Variants in RBFOX1 observed in about 807,000 individuals in gnomAD.
The protein encoded by RBFOX1 is RNA binding protein fox-1 homolog 1.
In RBFOX1, 8 loss-of-function variants were observed where a neutral mutation model predicts 57.7. The observed-to-expected ratio is 0.14, with a 90% CI of 0.08 to 0.25. The LOEUF (loss-of-function observed/expected upper bound fraction) is 0.25. Ranked by LOEUF, RBFOX1 falls within the 10% of genes least tolerant of loss-of-function variation. The pLI is 1.00. For synonymous variants in RBFOX1, 326 were observed against 222.4 expected (o/e 1.47, Z -4.15); for missense variants, 611 against 548.5 (o/e 1.11, Z -1.14).
At chr16:7,173,697 G>C (rs1241905032) in intron 4 of RBFOX1, among the ~76,000 whole-genome samples, 1 of 152,164 alleles carries the variant, frequency 6.6e-6, no homozygotes, top group Non-Finnish European at 1.5e-5. Flanking sequence ...ACACATTTAG[G>C]ATGTTTTTTA....
At position 7,037,228 on chromosome 16, in the gene RBFOX1, C is replaced by CTT. The variant is rs889539532; in HGVS notation, c.-15-14802_-15-14801dup. 4.9e-3 allele frequency among the ~76,000 whole-genome samples: 396 copies of CTT among 80,548 alleles called. 75 individuals carry two copies. Among genetic ancestry groups the CTT allele is most frequent in the African/African-American group, 0.019 (289 of 14,824 alleles). 52.8% of individuals were successfully genotyped at this position (80,548 alleles called of 152,430 possible). The stretch of plus-strand genomic sequence containing the variant: ...AATGCAGCCCAGTAGGTCTTAGCCT[C>CTT]TTTTTTTTTTTTTTTTTTTTTTTTT... On this transcript the variant is annotated intron_variant, in intron 3 of 15. Transcript: ENST00000550418.
intron 4 of RBFOX1, among the ~76,000 whole-genome samples, chr16:7,167,095 C>T (rs987117835): frequency 6.8e-6 from 1 of 146,934 alleles, no homozygotes; most frequent in African/African-American, 2.5e-5. Flanking sequence ...AAGCGATTCT[C>T]CTGCCTCAGC....
At chr16:5,545,860 C>A (rs4372693) in intron 2 of RBFOX1, among the ~76,000 whole-genome samples, 46,943 of 151,694 alleles carry the variant, frequency 0.31, 8,604 homozygotes, top group East Asian at 0.85. Context: ...TGAATAAAAC[C>A]CAGAAAGTAA....
chr16:7,566,928 G>A (rs564846475), intron 5 of RBFOX1, among the ~76,000 whole-genome samples: 12 of 151,918 alleles, frequency 7.9e-5, no homozygotes, highest in African/African-American at 2.7e-4. Context: ...AACCTTCAGT[G>A]TATCCATGAA....
intron 4 of RBFOX1, among the ~76,000 whole-genome samples, chr16:7,335,363 T>C (rs897540893): frequency 6.6e-6 from 1 of 152,118 alleles, no homozygotes; most frequent in African/African-American, 2.4e-5. Flanking sequence ...AAATAAACCA[T>C]GTGTACTCCA....
At chr16:5,900,981 C>T (rs555636735) in intron 4 of RBFOX1, among the ~76,000 whole-genome samples, 5 of 152,210 alleles carry the variant, frequency 3.3e-5, no homozygotes, top group Admixed American at 6.5e-5. Context: ...ATGTGAGAAG[C>T]AGAGAAGCAC....
At position 6,181,786 on chromosome 16, in the gene RBFOX1, C is replaced by G. The variant is rs143775339; in HGVS notation, c.-126-135209C>G. 2.9e-3 allele frequency among the ~76,000 whole-genome samples: 440 copies of G among 152,234 alleles called. 1 individual carries two copies. Among genetic ancestry groups the G allele is most frequent in the African/African-American group, 1.0e-2 (415 of 41,536 alleles). On this transcript the variant is annotated intron_variant, in intron 1 of 15. Coordinates refer to ENST00000550418, the MANE Select transcript of RBFOX1 (RefSeq NM_018723.4). ...ACATTATGTGCATGCAGTTGACCCACAAAATCTCAGTGATGCCGTATAATT... is the reference window on the plus strand; with the variant it reads ...ACATTATGTGCATGCAGTTGACCCAGAAAATCTCAGTGATGCCGTATAATT...
At chr16:7,674,413 G>GT (rs1211770196) in intron 13 of RBFOX1, among the ~76,000 whole-genome samples, 4 of 152,138 alleles carry the variant, frequency 2.6e-5, no homozygotes, top group Non-Finnish European at 4.4e-5. Flanking sequence ...TAGCTACTCT[G>GT]TTGGACAGCA....
intron 1 of RBFOX1, among the ~76,000 whole-genome samples, chr16:5,428,755 G>A (rs1254235453): frequency 1.3e-5 from 2 of 152,146 alleles, no homozygotes; most frequent in Non-Finnish European, 2.9e-5. Flanking sequence ...TTTCTGGGTT[G>A]GAGAAATTGA....
intron 9 of RBFOX1, among the ~76,000 whole-genome samples, chr16:7,602,757 A>G (rs1033367750): frequency 3.3e-5 from 5 of 152,186 alleles, no homozygotes; most frequent in African/African-American, 1.2e-4. Flanking sequence ...TTTACAGAAT[A>G]CCTTTTCCAA....
At chr16:6,801,251 T>TACA (rs2085371413) in intron 3 of RBFOX1, among the ~76,000 whole-genome samples, 2 of 150,144 alleles carry the variant, frequency 1.3e-5, no homozygotes, top group Non-Finnish European at 3.0e-5. Flanking sequence ...TGCCATGCAA[T>TACA]TAAAATGCTG....
chr16:6,132,402 T>C (rs2096636012), intron 1 of RBFOX1, among the ~76,000 whole-genome samples: 1 of 152,234 alleles, frequency 6.6e-6, no homozygotes, highest in African/African-American at 2.4e-5. Context: ...CAGATACGGT[T>C]ACCACAGGTG....
At chr16:5,394,439 A>G (rs755330632) in intron 1 of RBFOX1, among the ~76,000 whole-genome samples, 4 of 151,894 alleles carry the variant, frequency 2.6e-5, no homozygotes, top group Non-Finnish European at 5.9e-5. Flanking sequence ...CTGATGATCC[A>G]TTTCTCATTA....
chr16:6,857,206 C>G (rs28733360), intron 3 of RBFOX1, among the ~76,000 whole-genome samples: 22 of 151,998 alleles, frequency 1.4e-4, no homozygotes, highest in Non-Finnish European at 3.2e-4. Flanking sequence ...CTTTGGCTCT[C>G]TCTACGCTGA....
intron 1 of RBFOX1, among the ~76,000 whole-genome samples, chr16:6,152,428 C>T (rs1197219686): frequency 1.3e-5 from 2 of 152,168 alleles, no homozygotes; most frequent in Non-Finnish European, 2.9e-5. Context: ...GGCCTGTTTA[C>T]TTCAAGGTAG....
intron 4 of RBFOX1, among the ~76,000 whole-genome samples, chr16:7,163,552 C>T (rs902009717): frequency 6.6e-6 from 1 of 152,118 alleles, no homozygotes; most frequent in Non-Finnish European, 1.5e-5. Flanking sequence ...CCTCTTCTTC[C>T]ACCTAGAATC....
intron 3 of RBFOX1, among the ~76,000 whole-genome samples, chr16:7,034,278 A>G (rs1187719827): frequency 6.6e-6 from 1 of 152,270 alleles, no homozygotes; most frequent in South Asian, 2.1e-4. Context: ...TAATGACAGT[A>G]TCTACTGGGT....
intron 4 of RBFOX1, among the ~76,000 whole-genome samples, chr16:7,304,891 G>C (rs2096135407): frequency 6.6e-6 from 1 of 150,622 alleles, no homozygotes; most frequent in Non-Finnish European, 1.5e-5. Context: ...AGAGTGGAAA[G>C]GAGAAGTGTG....
At chr16:7,301,101 A>G (rs11646661) in intron 4 of RBFOX1, among the ~76,000 whole-genome samples, 105,681 of 152,018 alleles carry the variant, frequency 0.7, 37,698 homozygotes, top group East Asian at 0.84. Context: ...CAAATTTGCT[A>G]TCCCCAGATG....
Sources: allele counts gnomAD v4.1 joint callset (sites outside exome capture counted in the v4.1 genomes callset), GRCh38; gene constraint gnomAD v4.1.1; transcripts MANE v1.5; gene names NCBI Gene and HGNC (gene_info 2026-07-23, HGNC 2026-07-21).